ZMAT3: variants seen among roughly 807,000 people sequenced by gnomAD.
ZMAT3 encodes zinc finger matrin-type protein 3.
ZMAT3 carries 17 observed loss-of-function variants against 32.3 expected under a neutral mutation model. The ratio of observed to expected loss-of-function variants is 0.53; its 90% confidence interval spans 0.36 to 0.79. The LOEUF is 0.79. ZMAT3 is among the 30% of genes least tolerant of loss of function. The probability of loss-of-function intolerance (pLI) is 0.00; values close to 1 mark genes in which losing one functional copy is unlikely to be tolerated. For synonymous variants in ZMAT3, 120 were observed against 133.1 expected (o/e 0.90, Z 0.68); for missense variants, 329 against 359.7 (o/e 0.91, Z 0.69).
rs570315171 is a variant in ZMAT3, at chr3:179,022,067, C to T, written c.*2950G>A. On this transcript the variant is annotated 3_prime_UTR_variant, in exon 6 of 6. Transcript: ENST00000311417. ...TGTCCTATAAAACAAACACATAGCT[C>T]TTTTTTAGTGCAAAGAAATATAGCA... 2.0e-5 allele frequency: 3 copies of T among 152,054 alleles called. No homozygotes were observed. In the South Asian group the frequency reaches 6.2e-4, roughly 32 times the overall value. The allele number at this position is 152,054 out of a possible 1,614,324, so 9.4% of individuals were successfully genotyped here.
rs370975874 is a variant in ZMAT3, at chr3:179,057,059, C to T, written c.270+10424G>A. On this transcript the variant is annotated intron_variant, in intron 2 of 5. Transcript: ENST00000311417. Reference sequence around the variant, plus strand: ...GTTCAAGTTAAACTAAAGGATTCCGCGTCCTTTCCCTACCAAAAGCAGTAC... The same window carrying T: ...GTTCAAGTTAAACTAAAGGATTCCGTGTCCTTTCCCTACCAAAAGCAGTAC... 1.1e-3 allele frequency among the ~76,000 whole-genome samples: 174 copies of T among 152,276 alleles called. 1 individual carries two copies. The highest frequency in any genetic ancestry group is 0.01 in the Admixed American group (154 of 15,300).
intron 2 of ZMAT3, among the ~76,000 whole-genome samples, chr3:179,037,504 A>G (rs764738470): frequency 6.6e-6 from 1 of 152,182 alleles, no homozygotes; most frequent in Non-Finnish European, 1.5e-5. Flanking sequence ...CCAAGGCACA[A>G]GCCGAGCACA....
intron 5 of ZMAT3, 92 bp from the exon 6 acceptor site, chr3:179,025,320 C>A (rs2108533322): frequency 9.1e-7 from 1 of 1,095,260 alleles, no homozygotes; most frequent in South Asian, 1.5e-5. Flanking sequence ...ATTCTAAGTT[C>A]AAATTATAAA....
chr3:179,027,110 A>C lies in ZMAT3; in HGVS notation c.658+313T>G, dbSNP rs530599373. Among the ~76,000 whole-genome samples the C allele has an allele frequency of 1.3e-3, 191 of 152,340 alleles. 1 individual carries two copies. The highest frequency in any genetic ancestry group is 4.2e-3 in the African/African-American group (176 of 41,586). ...CTTTAACATGGTACAACTTTAAACC[A>C]AGTAGCCCATTTTTATCATGTCTTT... On this transcript the variant is annotated intron_variant, in intron 5 of 5. Coordinates refer to ENST00000311417, the MANE Select transcript of ZMAT3 (RefSeq NM_022470.4).
intron 2 of ZMAT3, among the ~76,000 whole-genome samples, chr3:179,043,889 C>G (rs566829398): frequency 3.9e-5 from 6 of 152,034 alleles, no homozygotes; most frequent in Admixed American, 6.6e-5. Flanking sequence ...AACAAAGAAC[C>G]CCATCAAAAA....
rs530988677 is a variant in ZMAT3, at chr3:179,021,409, A to G, written c.*3608T>C. 6.6e-5 allele frequency: 10 copies of G among 152,336 alleles called. No homozygotes were observed. In the East Asian group the frequency reaches 1.9e-3, roughly 29 times the overall value. 9.4% of individuals were successfully genotyped at this position (152,336 alleles called of 1,614,324 possible). On this transcript the variant is annotated 3_prime_UTR_variant, in exon 6 of 6. Coordinates refer to ENST00000311417, the MANE Select transcript of ZMAT3 (RefSeq NM_022470.4). The stretch of plus-strand genomic sequence containing the variant: ...TCTTTCTTTACAACTTCTTACCCTC[A>G]ATACCTAAGAAGAATTCTAATTGTC...
At chr3:179,031,069 T>G in intron 2 of ZMAT3, 70 bp from the exon 3 acceptor site, 1 of 1,336,408 alleles carries the variant, frequency 7.5e-7, no homozygotes, top group Middle Eastern at 1.9e-4. Context: ...CAGTTAGCTA[T>G]GGTCAACTGT....
At chr3:179,037,457 G>A (rs1327206128) in intron 2 of ZMAT3, among the ~76,000 whole-genome samples, 1 of 152,162 alleles carries the variant, frequency 6.6e-6, no homozygotes, top group Admixed American at 6.5e-5. Context: ...GGAGCCATGG[G>A]CTGAGTGCAG....
chr3:179,060,010 T>C (rs899303909), intron 2 of ZMAT3, among the ~76,000 whole-genome samples: 1 of 152,112 alleles, frequency 6.6e-6, no homozygotes, highest in Non-Finnish European at 1.5e-5. Context: ...AATCATCTAT[T>C]GCCTGAGAGC....
chr3:179,036,008 G>C (rs984786659), intron 2 of ZMAT3, among the ~76,000 whole-genome samples: 3 of 152,200 alleles, frequency 2.0e-5, no homozygotes, highest in African/African-American at 7.2e-5. Flanking sequence ...TAGATCCTTT[G>C]GAGGAGAGGC....
intron 2 of ZMAT3, among the ~76,000 whole-genome samples, chr3:179,033,524 AG>A (rs1719414212): frequency 7.2e-6 from 1 of 139,268 alleles, no homozygotes; most frequent in African/African-American, 2.8e-5. Flanking sequence ...AAGGAAAGAA[AG>A]AAAAGAAAAG....
At chr3:179,068,825 G>A (rs1172499937) in intron 1 of ZMAT3, among the ~76,000 whole-genome samples, 1 of 152,098 alleles carries the variant, frequency 6.6e-6, no homozygotes, top group Non-Finnish European at 1.5e-5. Flanking sequence ...TTTTTAAGTC[G>A]AATTAGTTGT....
Position 179,019,882 on chromosome 3 carries a change from A to T in ZMAT3, c.*5135T>A, listed in dbSNP as rs1718457912. ...GACCACTAGAATAAAGAATTTTTCCAAACATCAGTGTCAAGCTCTTCCAAT... is the reference window on the plus strand; with the variant it reads ...GACCACTAGAATAAAGAATTTTTCCTAACATCAGTGTCAAGCTCTTCCAAT... On this transcript the variant is annotated 3_prime_UTR_variant, in exon 6 of 6. Transcript: ENST00000311417. The T allele has an allele frequency of 6.6e-6, 1 of 152,174 alleles. No homozygotes were observed. The highest frequency in any genetic ancestry group is 2.1e-4 in the South Asian group (1 of 4,832). The allele number at this position is 152,174 out of a possible 1,614,324, so 9.4% of individuals were successfully genotyped here.
At chr3:179,053,104 G>A (rs1049131186) in intron 2 of ZMAT3, among the ~76,000 whole-genome samples, 5 of 151,436 alleles carry the variant, frequency 3.3e-5, no homozygotes, top group South Asian at 2.1e-4. Context: ...TTCCAGCCTC[G>A]GTGACAGAGC....
rs1280342070 is a variant in ZMAT3 at position 179,019,699 on chromosome 3, G to A, written c.*5318C>T. On this transcript the variant is annotated 3_prime_UTR_variant, in exon 6 of 6. Transcript: ENST00000311417. ...TAGAATTTTAAATTAATTAAACTAG[G>A]GAAAATTTTGCTTTTAATGGCTTCA... 3 of 152,006 alleles carry A rather than the reference G, an allele frequency of 2.0e-5. No homozygotes were observed. The highest frequency in any genetic ancestry group is 4.4e-5 in the Non-Finnish European group (3 of 67,962). The allele number at this position is 152,006 out of a possible 1,614,324, so 9.4% of individuals were successfully genotyped here.
intron 2 of ZMAT3, among the ~76,000 whole-genome samples, chr3:179,056,894 T>C (rs576536798): frequency 1.1e-4 from 16 of 152,288 alleles, no homozygotes; most frequent in Non-Finnish European, 1.8e-4. Context: ...GGGAGAGACA[T>C]TCTAGCAAAA....
chr3:179,029,729 CCT>C (rs1303682355), intron 3 of ZMAT3, among the ~76,000 whole-genome samples: 2 of 152,100 alleles, frequency 1.3e-5, no homozygotes, highest in Non-Finnish European at 2.9e-5. Context: ...CATATTGCAG[CCT>C]GGGGCAAAAG....
chr3:179,058,055 C>A (rs746201800), intron 2 of ZMAT3, among the ~76,000 whole-genome samples: 2 of 152,126 alleles, frequency 1.3e-5, no homozygotes, highest in Non-Finnish European at 2.9e-5. Flanking sequence ...AGCTTGCAAC[C>A]CGTGGTATAC....
intron 2 of ZMAT3, among the ~76,000 whole-genome samples, chr3:179,060,170 T>C (rs1267772561): frequency 6.6e-6 from 1 of 151,744 alleles, no homozygotes; most frequent in Non-Finnish European, 1.5e-5. Flanking sequence ...AAAAATTCAA[T>C]ATGAGATTAG....
Sources: allele counts gnomAD v4.1 joint callset (sites outside exome capture counted in the v4.1 genomes callset), GRCh38; gene constraint gnomAD v4.1.1; transcripts MANE v1.5; gene names NCBI Gene and HGNC (gene_info 2026-07-23, HGNC 2026-07-21).